The following SHB variants were observed in gnomAD, a reference collection of about 807,000 sequenced individuals.
SHB encodes SH2 domain containing adaptor protein B.
A neutral mutation model predicts 52.3 loss-of-function variants in SHB; 20 were observed. The ratio of observed to expected loss-of-function variants is 0.38; its 90% confidence interval spans 0.27 to 0.56. The LOEUF is 0.56. SHB is among the 20% of genes least tolerant of loss of function. The pLI, the probability that SHB is intolerant of heterozygous loss-of-function variation, is 0.71. For synonymous variants in SHB, 397 were observed against 316.5 expected (o/e 1.25, Z -2.70); for missense variants, 825 against 723.3 (o/e 1.14, Z -1.61).
intron 1 of SHB, among the ~76,000 whole-genome samples, chr9:38,027,759 C>G (rs995000417): frequency 6.6e-6 from 1 of 151,782 alleles, no homozygotes; most frequent in Non-Finnish European, 1.5e-5. Flanking sequence ...GTAGGCAGAG[C>G]GGCTGTTCCC....
intron 4 of SHB, among the ~76,000 whole-genome samples, chr9:37,950,833 T>C (rs535612819): frequency 6.6e-6 from 1 of 152,246 alleles, no homozygotes; most frequent in African/African-American, 2.4e-5. Flanking sequence ...CAGAAAGAGA[T>C]TGCCCTCGCA....
At chr9:37,963,174 G>A (rs1206814850) in intron 3 of SHB, among the ~76,000 whole-genome samples, 4 of 152,174 alleles carry the variant, frequency 2.6e-5, no homozygotes, top group Non-Finnish European at 5.9e-5. Flanking sequence ...AGTGGCCCCC[G>A]GGGATAGGGG....
Position 37,996,143 on chromosome 9 carries a change from G to A in SHB, c.838+19868C>T, listed in dbSNP as rs150490494. 3.3e-5 allele frequency among the ~76,000 whole-genome samples: 5 copies of A among 152,308 alleles called. No individual in the cohort carries two copies. In the South Asian group the frequency reaches 6.2e-4, roughly 19 times the overall value. ...ATGACTGCAGCCATTCTGTGTGCCC[G>A]TAGTCAGCCAGGGTCTGCAGGTGGG... is the stretch of plus-strand genomic sequence containing the variant. On this transcript the variant is annotated intron_variant, in intron 2 of 5. Coordinates refer to ENST00000377707, the MANE Select transcript of SHB (RefSeq NM_003028.3).
intron 1 of SHB, among the ~76,000 whole-genome samples, chr9:38,048,384 A>C (rs1398817378): frequency 1.3e-5 from 2 of 152,212 alleles, no homozygotes; most frequent in Non-Finnish European, 2.9e-5. Context: ...AGCTCATGCC[A>C]GTAATCCTAG....
intron 2 of SHB, among the ~76,000 whole-genome samples, chr9:37,985,478 C>T (rs1271599302): frequency 6.6e-6 from 1 of 152,268 alleles, no homozygotes; most frequent in Non-Finnish European, 1.5e-5. Flanking sequence ...CCAGTGACTG[C>T]CTTTGCGTGC....
At chr9:38,067,870 G>A (rs1342029776) in intron 1 of SHB, 59 bp downstream of exon 1, 9 of 1,400,940 alleles carry the variant, frequency 6.4e-6, no homozygotes, top group Non-Finnish European at 8.3e-6. Context: ...CGGGTGCCTC[G>A]GTTTCCCCGT....
At chr9:37,978,262 T>C (rs1820677698) in intron 2 of SHB, among the ~76,000 whole-genome samples, 1 of 152,258 alleles carries the variant, frequency 6.6e-6, no homozygotes, top group Admixed American at 6.5e-5. Context: ...ACACCTCTCA[T>C]GCAGGATTTA....
rs1028735626 is a variant in SHB, at chr9:37,916,642, G to A, written c.*3179C>T. 1.3e-5 allele frequency among the ~76,000 whole-genome samples: 2 copies of A among 152,216 alleles called. No individual in the cohort carries two copies. Among genetic ancestry groups the A allele is most frequent in the Non-Finnish European group, 2.9e-5 (2 of 68,038 alleles). On this transcript the variant is annotated 3_prime_UTR_variant, in exon 6 of 6. Coordinates refer to ENST00000377707, the MANE Select transcript of SHB (RefSeq NM_003028.3). ...GACAGGGCCTGCCTCCTGAAGCCTCGGAGTCTTTGCACCCCTTTCCTGGGA... is the reference window on the plus strand; with the variant it reads ...GACAGGGCCTGCCTCCTGAAGCCTCAGAGTCTTTGCACCCCTTTCCTGGGA...
intron 1 of SHB, among the ~76,000 whole-genome samples, chr9:38,047,857 C>A (rs113034559): frequency 6.6e-5 from 10 of 152,338 alleles, no homozygotes; most frequent in African/African-American, 2.2e-4. Flanking sequence ...CAGGTCCTTG[C>A]CCGAGCTAAC....
At chr9:38,015,971 CAA>C in intron 2 of SHB, 38 bp downstream of exon 2, 1 of 1,607,278 alleles carries the variant, frequency 6.2e-7, no homozygotes. Flanking sequence ...TCTACCCCTA[CAA>C]CCCCAGCTGT....
chr9:38,064,567 C>G (rs59771956), intron 1 of SHB, among the ~76,000 whole-genome samples: 1 of 152,222 alleles, frequency 6.6e-6, no homozygotes, highest in Non-Finnish European at 1.5e-5. Flanking sequence ...ACTTCCAACC[C>G]TAGATCCAGC....
chr9:38,066,588 A>G (rs1821963484), intron 1 of SHB, among the ~76,000 whole-genome samples: 2 of 152,164 alleles, frequency 1.3e-5, no homozygotes, highest in Non-Finnish European at 2.9e-5. Flanking sequence ...TTAGAAACCC[A>G]GAGTCCAAGC....
chr9:38,039,832 A>T (rs1821548869), intron 1 of SHB, among the ~76,000 whole-genome samples: 1 of 152,224 alleles, frequency 6.6e-6, no homozygotes, highest in Non-Finnish European at 1.5e-5. Context: ...CTCTGGGGCA[A>T]CTTGCAGCTG....
chr9:38,023,729 C>G (rs1564104338), intron 1 of SHB, among the ~76,000 whole-genome samples: 1 of 152,278 alleles, frequency 6.6e-6, no homozygotes, highest in East Asian at 1.9e-4. Flanking sequence ...TGGTGGAGAA[C>G]CTCTCATAAC....
chr9:37,921,717 C>T (rs896253658), intron 5 of SHB, among the ~76,000 whole-genome samples: 19 of 152,172 alleles, frequency 1.2e-4, no homozygotes, highest in African/African-American at 3.9e-4. Flanking sequence ...AAGCAGGCGG[C>T]GCACTCGCTT....
chr9:38,061,683 G>A (rs988027635), intron 1 of SHB, among the ~76,000 whole-genome samples: 1 of 152,158 alleles, frequency 6.6e-6, no homozygotes, highest in African/African-American at 2.4e-5. Flanking sequence ...TAAGCCCTGG[G>A]GTAATCAGTC....
chr9:37,991,163 C>T (rs939519007), intron 2 of SHB, among the ~76,000 whole-genome samples: 5 of 152,136 alleles, frequency 3.3e-5, no homozygotes, highest in Admixed American at 2.0e-4. Context: ...TGTTGAGGGT[C>T]TATGTGGAAC....
intron 5 of SHB, among the ~76,000 whole-genome samples, chr9:37,924,334 C>T (rs561691867): frequency 1.3e-5 from 2 of 152,198 alleles, no homozygotes; most frequent in Admixed American, 6.5e-5. Context: ...AGCTGCCGGC[C>T]GCCGAGCAGG....
chr9:38,057,379 A>C (rs1821835492), intron 1 of SHB, among the ~76,000 whole-genome samples: 1 of 152,194 alleles, frequency 6.6e-6, no homozygotes, highest in South Asian at 2.1e-4. Flanking sequence ...GGTTTCTTTG[A>C]ATTACGGAAT....
Sources: gnomAD v4.1 joint callset for allele counts (sites outside exome capture counted in the v4.1 genomes callset) on GRCh38, gnomAD v4.1.1 for gene constraint, MANE v1.5 for transcripts, NCBI Gene and HGNC (gene_info 2026-07-23, HGNC 2026-07-21) for gene names.